Variants in PRKG1 observed in about 807,000 individuals in gnomAD.
The protein encoded by PRKG1 is protein kinase cGMP-dependent 1, also known as cGMP-dependent protein kinase 1.
In PRKG1, 35 loss-of-function variants were observed where a neutral mutation model predicts 88.1. That is an observed-to-expected ratio of 0.40 (90% CI 0.30 to 0.53). The LOEUF is 0.53. Among genes scored for constraint, PRKG1 ranks in the 20% least tolerant of loss-of-function variants. The pLI is 0.59. For synonymous variants in PRKG1, 303 were observed against 292.5 expected, an observed-to-expected ratio of 1.04 and a Z score of -0.37; for missense variants, 540 against 839.8, an observed-to-expected ratio of 0.64 and a Z score of 4.41.
rs545497595 is a variant in PRKG1, at chr10:52,269,703, G to A, written c.1174-1647G>A. ...GGTTACATTACTCCCAAATAATATG[G>A]GCTGTTTGGTATCATCTTGAGGATT... On this transcript the variant is annotated intron_variant, in intron 10 of 17. Transcript: ENST00000373980. Among the ~76,000 whole-genome samples, 10 of 152,188 alleles carry A rather than the reference G, an allele frequency of 6.6e-5. No homozygotes were observed. In the East Asian group the frequency reaches 1.9e-3, roughly 29 times the overall value.
intron 5 of PRKG1, among the ~76,000 whole-genome samples, chr10:51,959,076 G>C (rs1470375075): frequency 1.1e-4 from 17 of 152,048 alleles, no homozygotes. Context: ...AAAATCTTAA[G>C]GTTACTTAGT....
chr10:51,160,874 T>TTG (rs781290669), intron 2 of PRKG1, among the ~76,000 whole-genome samples: 4 of 100,268 alleles, frequency 4.0e-5, no homozygotes, highest in Non-Finnish European at 6.0e-5. Context: ...TTCTTCATGC[T>TTG]CGTGTGTGTG....
intron 1 of PRKG1, among the ~76,000 whole-genome samples, chr10:51,119,684 A>T (rs1466715548): frequency 2.0e-5 from 3 of 152,084 alleles, no homozygotes; most frequent in African/African-American, 7.2e-5. Context: ...ATATAATGAC[A>T]ATTTTAACTT....
At chr10:51,270,587 G>A (rs1343454830) in intron 2 of PRKG1, among the ~76,000 whole-genome samples, 1 of 152,130 alleles carries the variant, frequency 6.6e-6, no homozygotes, top group Admixed American at 6.6e-5. Context: ...GAAACTGTGA[G>A]TAGATCACAA....
intron 2 of PRKG1, among the ~76,000 whole-genome samples, chr10:51,336,020 G>A (rs1183678506): frequency 2.0e-5 from 3 of 152,192 alleles, no homozygotes; most frequent in Non-Finnish European, 4.4e-5. Flanking sequence ...GAAATAAAAA[G>A]TAGGAAAGAA....
chr10:51,659,405 A>T (rs1840240073), intron 3 of PRKG1, among the ~76,000 whole-genome samples: 1 of 152,216 alleles, frequency 6.6e-6, no homozygotes, highest in African/African-American at 2.4e-5. Context: ...GGCCCAGAGG[A>T]GCTGAGCCAT....
chr10:52,070,329 T>C (rs948234433), intron 7 of PRKG1, among the ~76,000 whole-genome samples: 6 of 125,600 alleles, frequency 4.8e-5, no homozygotes, highest in Non-Finnish European at 1.1e-4. Context: ...TCATTTGAAG[T>C]GTTATTACAT....
chr10:51,035,071 G>A (rs928854128), intron 1 of PRKG1, among the ~76,000 whole-genome samples: 2 of 151,942 alleles, frequency 1.3e-5, no homozygotes, highest in Admixed American at 1.3e-4. Flanking sequence ...TGATGGTAAC[G>A]GTCGTAAAAG....
intron 3 of PRKG1, among the ~76,000 whole-genome samples, chr10:51,574,877 T>C (rs1837845501): frequency 6.6e-6 from 1 of 151,958 alleles, no homozygotes; most frequent in Non-Finnish European, 1.5e-5. Context: ...TGTGTGTCTA[T>C]ATTTGGGTAA....
intron 3 of PRKG1, among the ~76,000 whole-genome samples, chr10:51,730,006 T>G (rs1364544911): frequency 6.6e-6 from 1 of 152,194 alleles, no homozygotes; most frequent in Non-Finnish European, 1.5e-5. Flanking sequence ...TGAACCTATA[T>G]TGACCCGTCA....
chr10:51,464,826 G>A (rs1839847447), intron 2 of PRKG1, among the ~76,000 whole-genome samples: 1 of 146,626 alleles, frequency 6.8e-6, no homozygotes, highest in Non-Finnish European at 1.5e-5. Flanking sequence ...GGGAGGCGGA[G>A]CTTGCAGTGA....
At chr10:51,912,512 C>T (rs1048920850) in intron 5 of PRKG1, among the ~76,000 whole-genome samples, 1 of 152,042 alleles carries the variant, frequency 6.6e-6, no homozygotes, top group African/African-American at 2.4e-5. Context: ...ATTGACTATT[C>T]ATTCTGAATA....
chr10:52,267,260 A>T (rs988312759), intron 10 of PRKG1, among the ~76,000 whole-genome samples: 1 of 152,076 alleles, frequency 6.6e-6, no homozygotes, highest in Non-Finnish European at 1.5e-5. Flanking sequence ...CTTTAAAAAA[A>T]ATTTTTGTGG....
At chr10:51,992,492 A>T (rs1844338768) in intron 5 of PRKG1, among the ~76,000 whole-genome samples, 1 of 151,308 alleles carries the variant, frequency 6.6e-6, no homozygotes, top group Non-Finnish European at 1.5e-5. Flanking sequence ...GAACTATAAC[A>T]TTTTTTTTTC....
chr10:51,579,283 A>AT (rs1411125736), intron 3 of PRKG1, among the ~76,000 whole-genome samples: 1 of 151,850 alleles, frequency 6.6e-6, no homozygotes, highest in Non-Finnish European at 1.5e-5. Context: ...CACCTGGCTG[A>AT]TTTTATTATT....
At position 51,728,452 on chromosome 10, in the gene PRKG1, T is replaced by TG. The variant is rs34949372; in HGVS notation, c.593-76132dup. 5.2e-3 allele frequency among the ~76,000 whole-genome samples: 488 copies of TG among 94,746 alleles called. 3 individuals carry two copies. Among genetic ancestry groups the TG allele is most frequent in the Non-Finnish European group, 9.0e-3 (395 of 43,952 alleles). The allele number at this position is 94,746 out of a possible 152,430, so 62.2% of individuals were successfully genotyped here. On this transcript the variant is annotated intron_variant, in intron 3 of 17. Coordinates refer to ENST00000373980, the MANE Select transcript of PRKG1 (RefSeq NM_006258.4). ...CAATAGCAAAATTCCATTTTTTCTTTGTTTTTTTTTTTTTTTTTTTTTTTT... is the reference window on the plus strand; with the variant it reads ...CAATAGCAAAATTCCATTTTTTCTTTGGTTTTTTTTTTTTTTTTTTTTTTTT...
intron 3 of PRKG1, among the ~76,000 whole-genome samples, chr10:51,736,731 G>A (rs1427150302): frequency 2.6e-5 from 4 of 151,342 alleles, no homozygotes; most frequent in Non-Finnish European, 5.9e-5. Flanking sequence ...GGATTCAAGC[G>A]GTCCTCCTGT....
chr10:52,259,879 T>G (rs941867686), intron 10 of PRKG1, among the ~76,000 whole-genome samples: 8 of 152,110 alleles, frequency 5.3e-5, no homozygotes, highest in African/African-American at 1.9e-4. Flanking sequence ...TTATTGAACT[T>G]ACTTAGCTAC....
chr10:51,483,026 T>C (rs1367056253), intron 3 of PRKG1, among the ~76,000 whole-genome samples: 4 of 142,138 alleles, frequency 2.8e-5, no homozygotes, highest in Non-Finnish European at 6.3e-5. Flanking sequence ...TTTTTTTTTT[T>C]TTTGAGATGA....
Sources: gnomAD v4.1 joint callset for allele counts (sites outside exome capture counted in the v4.1 genomes callset) on GRCh38, gnomAD v4.1.1 for gene constraint, MANE v1.5 for transcripts, NCBI Gene and HGNC (gene_info 2026-07-23, HGNC 2026-07-21) for gene names.